Variants in NOTCH3 observed in about 807,000 individuals in gnomAD.
NOTCH3 encodes the protein notch receptor 3.
Under a neutral mutation model 213.3 loss-of-function variants are expected in NOTCH3, and 86 were observed. That is an observed-to-expected ratio of 0.40 (90% CI 0.34 to 0.48). NOTCH3 has a LOEUF of 0.48. Among genes scored for constraint, NOTCH3 ranks in the 20% least tolerant of loss-of-function variants. The pLI is 0.57. For synonymous variants in NOTCH3, 1,354 were observed against 1,355.9 expected (o/e 1.00, Z 0.03); for missense variants, 2,783 against 3,272.6 (o/e 0.85, Z 3.65).
At chr19:15,182,434 G>A (rs528516557) in intron 16 of NOTCH3, among the ~76,000 whole-genome samples, 1 of 152,016 alleles carries the variant, frequency 6.6e-6, no homozygotes, top group South Asian at 2.1e-4. Context: ...TTGAGCCTGG[G>A]AGGTCAAGGC....
At chr19:15,198,665 C>A (rs1350423562) in intron 1 of NOTCH3, among the ~76,000 whole-genome samples, 3 of 152,130 alleles carry the variant, frequency 2.0e-5, no homozygotes, top group Non-Finnish European at 4.4e-5. Context: ...GCAGGAGAAT[C>A]GCTTGAACCC....
At chr19:15,171,800 G>A (rs543356130) in intron 25 of NOTCH3, among the ~76,000 whole-genome samples, 1 of 152,368 alleles carries the variant, frequency 6.6e-6, no homozygotes, top group South Asian at 2.1e-4. Flanking sequence ...CTCCTGAGTA[G>A]CTGGGATTAC....
intron 16 of NOTCH3, among the ~76,000 whole-genome samples, chr19:15,182,266 G>A (rs993642612): frequency 1.3e-5 from 2 of 152,136 alleles, no homozygotes; most frequent in South Asian, 2.1e-4. Flanking sequence ...CAGCACTTTG[G>A]GAGGCCGAGG....
chr19:15,193,790 A>C (rs1379216497), intron 2 of NOTCH3, among the ~76,000 whole-genome samples: 2 of 138,238 alleles, frequency 1.4e-5, no homozygotes, highest in African/African-American at 5.2e-5. Flanking sequence ...CAAAAAACAA[A>C]AAAAACAAAC....
Position 15,188,345 on chromosome 19 carries a change from A to T in NOTCH3, c.1382T>A (p.Phe461Tyr). The T allele has an allele frequency of 6.3e-7, 1 of 1,598,556 alleles. No homozygotes were observed. Among genetic ancestry groups the T allele is most frequent in the South Asian group, 1.1e-5 (1 of 88,744 alleles). ...GTCCACCTCGCAATAGGTTCCTGTG[A>T]AGCCTGGGGCAGGGAATAGGGCTTA... ...GQFTCICMAGFTGTYCEVDID... is the reference protein window; with the variant it reads ...GQFTCICMAGYTGTYCEVDID... The change falls in exon 9 of 33, where the codon TTC becomes TAC. Residue 461 changes from phenylalanine (F) to tyrosine (Y), a missense_variant. Physicochemically the swap from Phe to Tyr is conservative, Grantham distance 22. This residue lies in a region of NOTCH3 where 708 missense variants were observed against 906.6 expected (regional missense o/e 0.78). Coordinates refer to ENST00000263388, the MANE Select transcript of NOTCH3 (RefSeq NM_000435.3).
intron 25 of NOTCH3, 151 bp from the exon 26 acceptor site, chr19:15,170,976 CA>C: frequency 1.3e-6 from 1 of 779,906 alleles, no homozygotes; most frequent in Non-Finnish European, 2.1e-6. Context: ...ACCTGGCATC[CA>C]ACCCCACTGC....
intron 24 of NOTCH3, among the ~76,000 whole-genome samples, chr19:15,176,061 T>C (rs937974242): frequency 6.6e-6 from 1 of 151,224 alleles, no homozygotes; most frequent in African/African-American, 2.4e-5. Context: ...GATAGCCATA[T>C]AGAGGAGCAA....
Position 15,200,924 on chromosome 19 carries a change from T to C in NOTCH3, c.-19A>G, listed in dbSNP as rs984646814. The C allele has an allele frequency of 7.0e-6, 2 of 285,516 alleles. No individual in the cohort carries two copies. Among genetic ancestry groups the C allele is most frequent in the Non-Finnish European group, 1.2e-5 (2 of 169,974 alleles). 17.7% of individuals were successfully genotyped at this position (285,516 alleles called of 1,614,324 possible). A position where few individuals can be genotyped will look rare whatever the true frequency, so the allele number is the denominator to read the frequency against. ...GCCCCATGGCGGCCGGCCGCGACCC[T>C]CCCCTCCTCCCTCCTTCCCTGGGCT... On this transcript the variant is annotated 5_prime_UTR_variant, in exon 1 of 33. Transcript: ENST00000263388.
In NOTCH3 at chr19:15,189,271, A is replaced by T; in HGVS notation, c.1192+2T>A. The T allele has an allele frequency of 6.2e-7, 1 of 1,613,826 alleles. No individual in the cohort carries two copies. The highest frequency in any genetic ancestry group is 8.5e-7 in the Non-Finnish European group (1 of 1,179,990). On this transcript the variant is annotated splice_donor_variant, in intron 7 of 32. Coordinates refer to ENST00000263388, the MANE Select transcript of NOTCH3 (RefSeq NM_000435.3). LOFTEE classifies it high-confidence loss of function. The stretch of plus-strand genomic sequence containing the variant: ...ATTCACAGACGATGGAGCTCCCCTC[A>T]CCGATAGAGCACTCGTCCACATCCT...
chr19:15,179,809 G>C (rs748114096), intron 20 of NOTCH3: 11 of 592,788 alleles, frequency 1.9e-5, no homozygotes, highest in Non-Finnish European at 3.3e-5. Flanking sequence ...CCTGAACCCA[G>C]GAGGCAAAGG....
chr19:15,198,431 C>G (rs557282870), intron 1 of NOTCH3, among the ~76,000 whole-genome samples: 1 of 152,218 alleles, frequency 6.6e-6, no homozygotes, highest in South Asian at 2.1e-4. Context: ...GCAGATAGAC[C>G]AGGAGAAGAC....
In NOTCH3 at chr19:15,185,131, G is replaced by C; in HGVS notation, c.2297-112C>G. 1 of 1,364,652 alleles carries C rather than the reference G, an allele frequency of 7.3e-7. No homozygotes were observed. The highest frequency in any genetic ancestry group is 1.3e-5 in the South Asian group (1 of 77,830). The allele number at this position is 1,364,652 out of a possible 1,614,324, so 84.5% of individuals were successfully genotyped here. ...CCCCACCTTGATACCCACCTCCCAA[G>C]CTCCTGGAGGGAAATGATTGAAAGC... On this transcript the variant is annotated intron_variant, in intron 14 of 32. Transcript: ENST00000263388. This position sits in a 1 kb window ranked among gnomAD's most constrained non-coding sequence, Gnocchi z 4.2.
At position 15,159,418 on chromosome 19, in the gene NOTCH3, A is replaced by G. The variant is rs2046621826; in HGVS notation, c.*1244T>C. On this transcript the variant is annotated 3_prime_UTR_variant, in exon 33 of 33. Transcript: ENST00000263388. ...AACTTTCTTAGCCTCTCCATTAAAGAAAGTTCTCGAGCAAAAGAATCTGAT... is the reference window on the plus strand; with the variant it reads ...AACTTTCTTAGCCTCTCCATTAAAGGAAGTTCTCGAGCAAAAGAATCTGAT... The G allele has an allele frequency of 5.6e-6, 1 of 179,980 alleles. No homozygotes were observed. Among genetic ancestry groups the G allele is most frequent in the Admixed American group, 6.3e-5 (1 of 15,910 alleles). The allele number at this position is 179,980 out of a possible 1,614,324, so 11.1% of individuals were successfully genotyped here.
Position 15,159,627 on chromosome 19 carries a change from C to T in NOTCH3, c.*1035G>A, listed in dbSNP as rs1055213559. The T allele has an allele frequency of 8.7e-6, 2 of 230,472 alleles. No individual in the cohort carries two copies. Among genetic ancestry groups the T allele is most frequent in the African/African-American group, 4.4e-5 (2 of 45,222 alleles). 14.3% of individuals were successfully genotyped at this position (230,472 alleles called of 1,614,324 possible). On this transcript the variant is annotated 3_prime_UTR_variant, in exon 33 of 33. Transcript: ENST00000263388. ...CCCACCTTACCTAGACACAGACCAA[C>T]AACACTGAGTGTTAACTATTCCTTT...
chr19:15,196,006 T>TG (rs1441211234), intron 2 of NOTCH3, among the ~76,000 whole-genome samples: 3 of 42,528 alleles, frequency 7.1e-5, no homozygotes, highest in East Asian at 6.6e-4. Context: ...CTGCTGCCGG[T>TG]GGGGGGGTCT....
chr19:15,164,532 ACT>A (rs1366642343), intron 31 of NOTCH3, among the ~76,000 whole-genome samples: 1 of 129,896 alleles, frequency 7.7e-6, no homozygotes, highest in East Asian at 2.2e-4. Flanking sequence ...CAAGAGTGAG[ACT>A]CTGTCTCAAA....
chr19:15,192,343 CG>C, intron 3 of NOTCH3, 33 bp downstream of exon 3: 1 of 1,612,686 alleles, frequency 6.2e-7, no homozygotes, highest in Non-Finnish European at 8.5e-7. Flanking sequence ...ACCACACCCC[CG>C]ACTACCTCCC....
In NOTCH3 at chr19:15,187,434, C is replaced by T. The variant is rs2046892423; in HGVS notation, c.1607-96G>A. 4.5e-6 allele frequency: 5 copies of T among 1,110,204 alleles called. No homozygotes were observed. The East Asian group carries it at 7.4e-5, about 16-fold the overall frequency. The allele number at this position is 1,110,204 out of a possible 1,614,324, so 68.8% of individuals were successfully genotyped here. On this transcript the variant is annotated intron_variant, in intron 10 of 32. Coordinates refer to ENST00000263388, the MANE Select transcript of NOTCH3 (RefSeq NM_000435.3). ...TCCTGGTTCAGCTCTATCTGAGGCC[C>T]TGCCCATCAAGCTGTCAGGAGGCGA...
chr19:15,184,262 G>A (rs766053511), intron 16 of NOTCH3, 33 bp downstream of exon 16: 2 of 1,609,138 alleles, frequency 1.2e-6, no homozygotes, highest in South Asian at 1.1e-5. Flanking sequence ...GTGTTCCCCA[G>A]AGCAGCACCC....
Sources: gnomAD v4.1 joint callset for allele counts (sites outside exome capture counted in the v4.1 genomes callset) on GRCh38, gnomAD v4.1.1 for gene constraint, gnomAD v4.1.1 regional missense constraint, Gnocchi (gnomAD v3.1) non-coding constraint, MANE v1.5 for transcripts, NCBI Gene and HGNC (gene_info 2026-07-23, HGNC 2026-07-21) for gene names.